KANTR: variants seen among roughly 807,000 people sequenced by gnomAD.
The protein encoded by KANTR is KANTR integral membrane protein, also known as KDM5C adjacent transcript.
At chrX:53,105,959 G>A (rs1199613263) in intron 2 of KANTR, among the ~76,000 whole-genome samples, 4 of 97,288 alleles carry the variant, frequency 4.1e-5, no homozygotes, top group African/African-American at 1.6e-4. Context: ...CTGGGTTCAC[G>A]CCATTCTCCT....
chrX:53,129,556 G>A (rs191290610), downstream of KANTR, among the ~76,000 whole-genome samples: 6 of 110,022 alleles, frequency 5.5e-5, no homozygotes, highest in African/African-American at 2.0e-4. Context: ...GCCTTTTTTA[G>A]AAGGATATTA....
At chrX:53,123,316 T>A (rs918531943) in intron 2 of KANTR, among the ~76,000 whole-genome samples, 153 bp from the exon 3 acceptor site, 9 of 111,697 alleles carry the variant, frequency 8.1e-5, no homozygotes, top group Admixed American at 6.7e-4. Context: ...TCAAAGATAT[T>A]TAACAATTGG....
At chrX:53,117,614 T>G (rs868944287) in intron 2 of KANTR, among the ~76,000 whole-genome samples, 4,709 of 83,042 alleles carry the variant, frequency 0.057, 330 homozygotes, top group African/African-American at 0.14. Flanking sequence ...TGTGTGTTTT[T>G]TTTTTTTTTT....
At position 53,140,670 on chromosome X, in the gene KANTR, A is replaced by T. The variant is rs188702675; in HGVS notation, n.204-1178A>T. Among the ~76,000 whole-genome samples, 59 of 110,593 alleles carry T rather than the reference A, an allele frequency of 5.3e-4. No homozygotes were observed. In the East Asian group the frequency reaches 0.015, roughly 29 times the overall value. ...CAAAAACAAAATGTATGTCCCTCCA[A>T]ATTAGAAGTTTCCAAGGGCAAAAAA... On this transcript the variant is annotated intron_variant and non_coding_transcript_variant, in intron 2 of 2. Transcript: ENST00000366185.
downstream of KANTR, among the ~76,000 whole-genome samples, chrX:53,128,002 GT>G (rs1167688884): frequency 3.6e-5 from 4 of 111,323 alleles, no homozygotes; most frequent in African/African-American, 1.3e-4. Context: ...CTCAAAAAGA[GT>G]TTATTTCATT....
chrX:53,119,103 G>C (rs1933179466), intron 2 of KANTR, among the ~76,000 whole-genome samples: 1 of 102,547 alleles, frequency 9.8e-6, no homozygotes, highest in Admixed American at 1.1e-4. Context: ...CTGGAGTGCA[G>C]TGGTGGGATC....
downstream of KANTR, among the ~76,000 whole-genome samples, chrX:53,145,795 A>G (rs1308343806): frequency 8.9e-6 from 1 of 111,977 alleles, no homozygotes; most frequent in African/African-American, 3.2e-5. Context: ...CTTCTCTGAG[A>G]CAAAACTTCC....
In KANTR at chrX:53,147,825, G is replaced by T. The variant is rs189211144; in HGVS notation, n.350-19096G>T. ...AGGATTAAGAAACTCACTCAAAACC[G>T]CTCAACTACATGGAAACTGAACAAC... On this transcript the variant is annotated intron_variant and non_coding_transcript_variant, in intron 3 of 3. Coordinates refer to the KANTR transcript ENST00000603385. Among the ~76,000 whole-genome samples, 3 of 111,152 alleles carry T rather than the reference G, an allele frequency of 2.7e-5. No individual in the cohort carries two copies. In the East Asian group the frequency reaches 8.4e-4, roughly 31 times the overall value.
At chrX:53,097,960 A>G (rs1437068074) in intron 1 of KANTR, among the ~76,000 whole-genome samples, 1 of 103,561 alleles carries the variant, frequency 9.7e-6, no homozygotes, top group Non-Finnish European at 2.0e-5. Flanking sequence ...CTGAGGCAGG[A>G]GAATTGCTTG....
intron 2 of KANTR, among the ~76,000 whole-genome samples, chrX:53,104,885 CT>C (rs1172083161): frequency 6.6e-5 from 7 of 105,808 alleles, no homozygotes; most frequent in East Asian, 5.9e-4. Flanking sequence ...CTATGTTTAA[CT>C]TTTTTTTTTT....
downstream of KANTR, among the ~76,000 whole-genome samples, chrX:53,145,201 G>A (rs1435178451): frequency 9.0e-5 from 10 of 111,550 alleles, no homozygotes; most frequent in African/African-American, 1.6e-4. Flanking sequence ...AAAGCAGGGC[G>A]AGGCATTGCC....
rs781986844 is a variant in KANTR at position 53,139,878 on chromosome X, G to A, written n.204-1970G>A. Among the ~76,000 whole-genome samples, 4 of 110,963 alleles carry A rather than the reference G, an allele frequency of 3.6e-5. No homozygotes were observed. The South Asian group carries it at 1.5e-3, about 42-fold the overall frequency. ...GGCAGGAGGAAGGGGGAGGAGGAAG[G>A]GGAAGGACAAAAGAAGAAGGAAGAA... On this transcript the variant is annotated intron_variant and non_coding_transcript_variant, in intron 2 of 2. Coordinates refer to the KANTR transcript ENST00000366185.
intron 2 of KANTR, among the ~76,000 whole-genome samples, chrX:53,105,974 C>G (rs1556812716): frequency 9.7e-6 from 1 of 102,748 alleles, no homozygotes; most frequent in Admixed American, 1.1e-4. Context: ...TCTCCTGCCT[C>G]AGCCTCCCAA....
chrX:53,105,676 A>G (rs1429416624), intron 2 of KANTR, among the ~76,000 whole-genome samples: 2 of 76,177 alleles, frequency 2.6e-5, no homozygotes, highest in Non-Finnish European at 5.1e-5. Context: ...TTTTTTTTGT[A>G]TTTTAGTAGA....
chrX:53,141,041 AT>A (rs1933495609), intron 2 of KANTR, among the ~76,000 whole-genome samples: 1 of 111,691 alleles, frequency 9.0e-6, no homozygotes, highest in Non-Finnish European at 1.9e-5. Context: ...CATGCCTATA[AT>A]CCTAGCTACT....
intron 1 of KANTR, among the ~76,000 whole-genome samples, chrX:53,098,301 A>G (rs1932862567): frequency 9.0e-6 from 1 of 111,690 alleles, no homozygotes; most frequent in African/African-American, 3.3e-5. Context: ...AAAATACTAT[A>G]TTGCTAAAAA....
intron 2 of KANTR, among the ~76,000 whole-genome samples, chrX:53,137,679 G>C (rs1302826661): frequency 9.1e-6 from 1 of 109,602 alleles, no homozygotes; most frequent in East Asian, 2.9e-4. Context: ...TGAGGCAGGA[G>C]AATCACTTGA....
chrX:53,114,419 G>C (rs1556814276), intron 2 of KANTR, among the ~76,000 whole-genome samples: 1 of 112,535 alleles, frequency 8.9e-6, no homozygotes, highest in Admixed American at 9.4e-5. Context: ...ACTCATTCTA[G>C]TCTTTGCAGA....
downstream of KANTR, among the ~76,000 whole-genome samples, chrX:53,128,940 A>G (rs992164547): frequency 9.0e-6 from 1 of 110,866 alleles, no homozygotes; most frequent in Non-Finnish European, 1.9e-5. Context: ...CTCCCTTATT[A>G]AGGATGACAC....
Sources: allele counts gnomAD v4.1 joint callset (sites outside exome capture counted in the v4.1 genomes callset), GRCh38; gene constraint gnomAD v4.1.1; transcripts MANE v1.5; gene names NCBI Gene and HGNC (gene_info 2026-07-23, HGNC 2026-07-21).